USP37: variants seen among roughly 807,000 people sequenced by gnomAD.
USP37 encodes ubiquitin specific peptidase 37.
Under a neutral mutation model 124.0 loss-of-function variants are expected in USP37, and 27 were observed. The ratio of observed to expected loss-of-function variants is 0.22; its 90% CI spans 0.16 to 0.30. The LOEUF (loss-of-function observed/expected upper bound fraction) is 0.30, where lower values mean the gene tolerates loss of function less well. Among genes scored for constraint, USP37 ranks in the 10% least tolerant of loss-of-function variants. USP37 has a pLI of 1.00. For missense variants in USP37, 889 were observed against 1,140.4 expected (o/e 0.78, Z 3.17); for synonymous variants, 365 against 388.0 (o/e 0.94, Z 0.70).
chr2:218,477,902 T>C lies in USP37; in HGVS notation c.1902-921A>G, dbSNP rs192751868. Among the ~76,000 whole-genome samples the C allele has an allele frequency of 1.6e-3, 242 of 152,318 alleles. 2 individuals are homozygous for C. Among genetic ancestry groups the C allele is most frequent in the African/African-American group, 5.5e-3 (229 of 41,572 alleles). On this transcript the variant is annotated intron_variant, in intron 18 of 25. Coordinates refer to ENST00000258399, the MANE Select transcript of USP37 (RefSeq NM_020935.3). Reference sequence around the variant, plus strand: ...AATTCACTTATGTGGAATCCTTTAATGATGCCAGATAAGTAAGGTGTTACT... The same window carrying C: ...AATTCACTTATGTGGAATCCTTTAACGATGCCAGATAAGTAAGGTGTTACT...
At chr2:218,537,662 A>C (rs1323376926) in intron 8 of USP37, among the ~76,000 whole-genome samples, 2 of 152,212 alleles carry the variant, frequency 1.3e-5, no homozygotes, top group African/African-American at 2.4e-5. Flanking sequence ...TCAGGTAAAT[A>C]ATCATCAAAA....
chr2:218,474,515 C>A (rs113268774), intron 20 of USP37, 115 bp downstream of exon 20: 277 of 1,446,898 alleles, frequency 1.9e-4, no homozygotes, highest in Non-Finnish European at 2.5e-4. Flanking sequence ...TCACACACCA[C>A]CATGCTCAGC....
chr2:218,529,945 C>A lies in USP37; in HGVS notation c.863+11G>T. ...CCTAAGTTTTTCACAAGTAATATAA[C>A]CAATGCATACCTGTCTAAGTTAGTG... is the stretch of plus-strand genomic sequence containing the variant. On this transcript the variant is annotated intron_variant, in intron 10 of 25. Coordinates refer to ENST00000258399, the MANE Select transcript of USP37 (RefSeq NM_020935.3). 6.3e-7 allele frequency: 1 copy of A among 1,586,830 alleles called. No individual in the cohort carries two copies.
Position 218,554,106 on chromosome 2 carries a change from T to C in USP37, c.157-382A>G, listed in dbSNP as rs1692812978. On this transcript the variant is annotated intron_variant, in intron 4 of 25. Coordinates refer to ENST00000258399, the MANE Select transcript of USP37 (RefSeq NM_020935.3). ...ATATTGTGTCAAATGGAGACATTAA[T>C]TAAAGGCAGCACTGCTACCCCTTCA... 2.6e-5 allele frequency among the ~76,000 whole-genome samples: 4 copies of C among 152,228 alleles called. No homozygotes were observed. In the South Asian group the frequency reaches 8.3e-4, roughly 32 times the overall value.
chr2:218,458,253 T>TAAAA (rs33911503), intron 23 of USP37, among the ~76,000 whole-genome samples: 542 of 70,370 alleles, frequency 7.7e-3, no homozygotes, highest in East Asian at 0.013. Context: ...AGACCTTGCC[T>TAAAA]AAAAAAAAAA....
At position 218,562,767 on chromosome 2, in the gene USP37, A is replaced by G; in HGVS notation, c.-183T>C. The G allele has an allele frequency of 2.5e-6, 1 of 398,588 alleles. No individual in the cohort carries two copies. Among genetic ancestry groups the G allele is most frequent in the East Asian group, 3.6e-5 (1 of 28,070 alleles). 24.7% of individuals were successfully genotyped at this position (398,588 alleles called of 1,614,324 possible). A position where few individuals can be genotyped will look rare whatever the true frequency, so the allele number is the denominator to read the frequency against. On this transcript the variant is annotated 5_prime_UTR_variant, in exon 2 of 26. Transcript: ENST00000258399. ...GGCAAAGCACTCTTCTTGGGACACTACTCATATTCTGCAGCTATGCCAGTT... is the reference window on the plus strand; with the variant it reads ...GGCAAAGCACTCTTCTTGGGACACTGCTCATATTCTGCAGCTATGCCAGTT...
chr2:218,546,784 G>C, intron 7 of USP37, 135 bp downstream of exon 7: 1 of 990,592 alleles, frequency 1.0e-6, no homozygotes, highest in East Asian at 2.6e-5. Context: ...AACTACATAT[G>C]ACAAATACTT....
chr2:218,510,196 T>C, intron 10 of USP37, 56 bp from the exon 11 acceptor site: 9 of 1,549,716 alleles, frequency 5.8e-6, no homozygotes, highest in Non-Finnish European at 7.8e-6. Flanking sequence ...TACTACTATT[T>C]TCCTTGAATA....
chr2:218,463,490 T>C, intron 21 of USP37, 124 bp from the exon 22 acceptor site: 17 of 769,890 alleles, frequency 2.2e-5, no homozygotes, highest in South Asian at 1.3e-4. Context: ...TTATGGATGT[T>C]TGGAATATTA....
chr2:218,463,400 AAG>A, intron 21 of USP37, 34 bp from the exon 22 acceptor site: 1 of 1,595,284 alleles, frequency 6.3e-7, no homozygotes, highest in Non-Finnish European at 8.6e-7. Context: ...AAGGTATTTA[AAG>A]AGGTACTGAT....
chr2:218,505,701 T>G (rs540729293), intron 11 of USP37, among the ~76,000 whole-genome samples: 1 of 152,332 alleles, frequency 6.6e-6, no homozygotes. Flanking sequence ...TCTTTTTGAT[T>G]CAGGAACTGA....
intron 6 of USP37, among the ~76,000 whole-genome samples, chr2:218,547,811 A>G (rs572777589): frequency 6.6e-6 from 1 of 152,204 alleles, no homozygotes; most frequent in East Asian, 1.9e-4. Flanking sequence ...GGTGAGATAG[A>G]GTTCAATATG....
intron 10 of USP37, among the ~76,000 whole-genome samples, chr2:218,516,698 A>G (rs1318761995): frequency 4.6e-5 from 7 of 152,132 alleles, no homozygotes; most frequent in African/African-American, 1.7e-4. Flanking sequence ...CCAGAACTTA[A>G]AGTAAAATAA....
chr2:218,538,550 T>C (rs1691787136), intron 8 of USP37, among the ~76,000 whole-genome samples: 1 of 152,186 alleles, frequency 6.6e-6, no homozygotes, highest in Non-Finnish European at 1.5e-5. Flanking sequence ...GACATTCCGT[T>C]ATTTCCACAA....
intron 8 of USP37, among the ~76,000 whole-genome samples, chr2:218,544,430 T>TATATATAG (rs377397246): frequency 2.0e-4 from 10 of 50,822 alleles, no homozygotes; most frequent in African/African-American, 9.3e-4. Context: ...TATATATATA[T>TATATATAG]AGAGAGAGAG....
At chr2:218,458,340 G>A (rs547941701) in intron 23 of USP37, among the ~76,000 whole-genome samples, 2 of 149,908 alleles carry the variant, frequency 1.3e-5, no homozygotes, top group Admixed American at 1.4e-4. Context: ...GGGAGGCAGA[G>A]ATGGGTGGAT....
chr2:218,558,708 C>G (rs1228747881), intron 3 of USP37, 31 bp from the exon 4 acceptor site: 1 of 1,490,140 alleles, frequency 6.7e-7, no homozygotes, highest in Non-Finnish European at 9.1e-7. Flanking sequence ...ATACCTTTAC[C>G]TGGCAGGTTC....
chr2:218,492,576 A>C (rs1688847488), intron 14 of USP37, among the ~76,000 whole-genome samples: 1 of 152,260 alleles, frequency 6.6e-6, no homozygotes. Flanking sequence ...AGATGCTGCA[A>C]CAATTCAAAC....
intron 23 of USP37, among the ~76,000 whole-genome samples, chr2:218,458,039 C>CAAAAAAAAAAAAAA (rs34696201): frequency 1.1e-5 from 1 of 90,200 alleles, no homozygotes; most frequent in African/African-American, 4.4e-5. Context: ...GACTCTGTCT[C>CAAAAAAAAAAAAAA]AAAAAAAAAA....
Sources: gnomAD v4.1 joint callset for allele counts (sites outside exome capture counted in the v4.1 genomes callset) on GRCh38, gnomAD v4.1.1 for gene constraint, MANE v1.5 for transcripts, NCBI Gene and HGNC (gene_info 2026-07-23, HGNC 2026-07-21) for gene names.